CRY1: variants seen among roughly 807,000 people sequenced by gnomAD.
The protein encoded by CRY1 is cryptochrome-1.
A neutral mutation model predicts 76.0 loss-of-function variants in CRY1; 45 were observed. That is an observed-to-expected ratio of 0.59 (90% CI 0.47 to 0.76). The LOEUF is 0.76. CRY1 is among the 30% of genes least tolerant of loss of function. The pLI is 0.00. For missense variants in CRY1, 587 were observed against 716.4 expected, an observed-to-expected ratio of 0.82 and a Z score of 2.06; for synonymous variants, 248 against 244.0, an observed-to-expected ratio of 1.02 and a Z score of -0.15.
rs770266211 is a variant in CRY1 at position 106,993,025 on chromosome 12, C to T, written c.1597G>A (p.Gly533Arg). 2 of 1,614,012 alleles carry T rather than the reference C, an allele frequency of 1.2e-6. No homozygotes were observed. The highest frequency in any genetic ancestry group is 2.2e-5 in the South Asian group (2 of 91,078). Residue 533 changes from glycine (G) to arginine (R), a missense_variant, in exon 11 of 13, where the codon GGG becomes AGG. Gly to Arg is a moderately radical substitution (Grantham distance 125). Transcript: ENST00000008527. ...TGAGCATAGTGTAAAATACCACTCCCTTGAGAGCAACCTGTTAGTATTTAA... is the reference window on the plus strand; with the variant it reads ...TGAGCATAGTGTAAAATACCACTCCTTTGAGAGCAACCTGTTAGTATTTAA... ...GCSSSGSCSQ[G>R]SGILHYAHGD...
Position 107,093,153 on chromosome 12 carries a change from T to C in CRY1, c.-192A>G, listed in dbSNP as rs1387680562. 7 of 638,828 alleles carry C rather than the reference T, an allele frequency of 1.1e-5. No homozygotes were observed. The highest frequency in any genetic ancestry group is 1.7e-5 in the Non-Finnish European group (7 of 400,598). The allele number at this position is 638,828 out of a possible 1,614,324, so 39.6% of individuals were successfully genotyped here. A position where few individuals can be genotyped will look rare whatever the true frequency, so the allele number is the denominator to read the frequency against. On this transcript the variant is annotated 5_prime_UTR_variant, in exon 1 of 13. Coordinates refer to ENST00000008527, the MANE Select transcript of CRY1 (RefSeq NM_004075.5). Reference sequence around the variant, plus strand: ...GGGCGCCGGAGGCGCAGTGGAAAGATGAATGGAGGTTGCCTAGTCGGCGGA... The same window carrying C: ...GGGCGCCGGAGGCGCAGTGGAAAGACGAATGGAGGTTGCCTAGTCGGCGGA...
chr12:107,024,665 T>C (rs1424228901), intron 1 of CRY1, among the ~76,000 whole-genome samples: 1 of 152,154 alleles, frequency 6.6e-6, no homozygotes, highest in Non-Finnish European at 1.5e-5. Flanking sequence ...GCATGAACCA[T>C]CACAGGCCTG....
chr12:107,077,599 TATC>T (rs1953272455), intron 1 of CRY1, among the ~76,000 whole-genome samples: 1 of 152,232 alleles, frequency 6.6e-6, no homozygotes, highest in African/African-American at 2.4e-5. Context: ...ATTTCTTATT[TATC>T]ATCCTGTGAA....
chr12:107,014,435 C>T (rs1448110676), intron 2 of CRY1, among the ~76,000 whole-genome samples: 1 of 152,178 alleles, frequency 6.6e-6, no homozygotes, highest in Non-Finnish European at 1.5e-5. Flanking sequence ...AGAAGAAAAG[C>T]TTCTTCTCTC....
At chr12:107,049,348 G>T (rs1453576641) in intron 1 of CRY1, among the ~76,000 whole-genome samples, 3 of 152,090 alleles carry the variant, frequency 2.0e-5, no homozygotes, top group East Asian at 3.9e-4. Context: ...TTTTCTTCCA[G>T]ATCTTAGCCC....
At chr12:107,020,110 CTT>C (rs1352515708) in intron 2 of CRY1, among the ~76,000 whole-genome samples, 1 of 150,266 alleles carries the variant, frequency 6.7e-6, no homozygotes, top group Admixed American at 6.7e-5. Flanking sequence ...TAAATTCTAA[CTT>C]GATCTATTAC....
At chr12:107,027,502 T>C (rs1458088105) in intron 1 of CRY1, among the ~76,000 whole-genome samples, 2 of 152,186 alleles carry the variant, frequency 1.3e-5, no homozygotes, top group African/African-American at 2.4e-5. Flanking sequence ...ATAATTGTAC[T>C]GCCTACATAG....
In CRY1 at chr12:107,046,352, T is replaced by C. The variant is rs140464480; in HGVS notation, c.159-24160A>G. On this transcript the variant is annotated intron_variant, in intron 1 of 12. Transcript: ENST00000008527. ...AAAAACACAAAGACAATAATCACTA[T>C]CACGTAAATATGCACAAGTATAAAA... 5.2e-3 allele frequency among the ~76,000 whole-genome samples: 786 copies of C among 150,396 alleles called. 7 individuals are homozygous for C. Among genetic ancestry groups the C allele is most frequent in the African/African-American group, 0.018 (737 of 41,030 alleles).
chr12:107,035,703 A>G (rs187366666), intron 1 of CRY1, among the ~76,000 whole-genome samples: 1 of 152,216 alleles, frequency 6.6e-6, no homozygotes, highest in Non-Finnish European at 1.5e-5. Context: ...CAGTGCTGAT[A>G]ATTTTTATGG....
intron 3 of CRY1, among the ~76,000 whole-genome samples, chr12:107,004,551 A>G (rs1952348018): frequency 6.6e-6 from 1 of 152,232 alleles, no homozygotes; most frequent in Admixed American, 6.5e-5. Context: ...GGGACAAAGC[A>G]TCACCAAGGA....
chr12:107,015,757 C>T (rs928031091), intron 2 of CRY1, among the ~76,000 whole-genome samples: 1 of 152,082 alleles, frequency 6.6e-6, no homozygotes, highest in Non-Finnish European at 1.5e-5. Context: ...GATCTTGGCT[C>T]ACTGCAGCCT....
intron 1 of CRY1, among the ~76,000 whole-genome samples, chr12:107,038,537 G>A (rs1952762455): frequency 6.6e-6 from 1 of 152,196 alleles, no homozygotes; most frequent in Non-Finnish European, 1.5e-5. Flanking sequence ...AGCAAAGATA[G>A]AAGACAGAAG....
chr12:107,022,845 T>TAAA lies in CRY1; in HGVS notation c.159-656_159-654dup, dbSNP rs11308588. 2.6e-3 allele frequency among the ~76,000 whole-genome samples: 335 copies of TAAA among 131,020 alleles called. 2 individuals are homozygous for TAAA. The highest frequency in any genetic ancestry group is 8.5e-3 in the African/African-American group (318 of 37,220). 86.0% of individuals were successfully genotyped at this position (131,020 alleles called of 152,430 possible). ...GTGTAGAAAATGCCAGATTAACTTC[T>TAAA]AAAAAAAAAAAAAAAGAAAAGGTTT... On this transcript the variant is annotated intron_variant, in intron 1 of 12. Coordinates refer to ENST00000008527, the MANE Select transcript of CRY1 (RefSeq NM_004075.5).
chr12:106,996,128 G>T (rs878940573), intron 10 of CRY1, among the ~76,000 whole-genome samples: 1 of 152,158 alleles, frequency 6.6e-6, no homozygotes, highest in Non-Finnish European at 1.5e-5. Flanking sequence ...TTACAAGTGT[G>T]AGCTACTGCA....
intron 1 of CRY1, among the ~76,000 whole-genome samples, chr12:107,052,431 GT>G (rs1226439502): frequency 1.3e-5 from 2 of 152,120 alleles, no homozygotes; most frequent in Admixed American, 6.6e-5. Flanking sequence ...CACACCTGTG[GT>G]TTTTTAAAGT....
chr12:106,998,909 G>A (rs1952266094), intron 7 of CRY1, among the ~76,000 whole-genome samples: 2 of 151,972 alleles, frequency 1.3e-5, no homozygotes, highest in South Asian at 4.2e-4. Context: ...GGGCACAGTG[G>A]TGGGCACCTG....
intron 1 of CRY1, among the ~76,000 whole-genome samples, chr12:107,042,024 G>A (rs1952804741): frequency 6.6e-6 from 1 of 152,086 alleles, no homozygotes; most frequent in Admixed American, 6.6e-5. Context: ...ACAACAGGAT[G>A]GGTGCCAACA....
chr12:107,057,430 G>A (rs962959093), intron 1 of CRY1, among the ~76,000 whole-genome samples: 7 of 152,160 alleles, frequency 4.6e-5, no homozygotes, highest in African/African-American at 1.4e-4. Flanking sequence ...TAAAACGAGC[G>A]GAATCTAACA....
chr12:107,050,091 C>T (rs149945001), intron 1 of CRY1: 4 of 150,920 alleles, frequency 2.7e-5, no homozygotes, highest in Admixed American at 2.0e-4. Flanking sequence ...GGGGGAGACA[C>T]AAGGGGAAAG....
Sources: allele counts gnomAD v4.1 joint callset (sites outside exome capture counted in the v4.1 genomes callset), GRCh38; gene constraint gnomAD v4.1.1; transcripts MANE v1.5; gene names NCBI Gene and HGNC (gene_info 2026-07-23, HGNC 2026-07-21).